The following ZFAT variants were observed in gnomAD, a reference collection of about 807,000 sequenced individuals.
The protein encoded by ZFAT is zinc finger and AT-hook domain containing.
Under a neutral mutation model 117.7 loss-of-function variants are expected in ZFAT, and 64 were observed. That is an observed-to-expected ratio of 0.54 (90% CI 0.44 to 0.67). ZFAT has a LOEUF of 0.67. Ranked by LOEUF, ZFAT falls within the 30% of genes least tolerant of loss-of-function variation. The pLI, the probability that ZFAT is intolerant of heterozygous loss-of-function variation, is 0.00. For synonymous variants in ZFAT, 679 were observed against 615.0 expected (o/e 1.10, Z -1.54); for missense variants, 1,433 against 1,584.5 (o/e 0.90, Z 1.62).
At chr8:134,795,994 G>C in the ZFAT span, 1 of 152,064 alleles carries the variant, frequency 6.6e-6, no homozygotes, top group Non-Finnish European at 1.5e-5. Flanking sequence ...AACTCAGAAG[G>C]ACAGGGTTCG....
At chr8:134,524,233 C>T (rs977008680) in intron 12 of ZFAT, among the ~76,000 whole-genome samples, 9 of 152,126 alleles carry the variant, frequency 5.9e-5, no homozygotes, top group South Asian at 2.1e-4. Context: ...GCCTTGGTGC[C>T]GGTCTATCTT....
At chr8:134,569,200 C>T (rs1034943832) in intron 10 of ZFAT, among the ~76,000 whole-genome samples, 3 of 152,078 alleles carry the variant, frequency 2.0e-5, no homozygotes, top group African/African-American at 7.2e-5. Context: ...GCAGTGTCAC[C>T]CTTTCATGGA....
At chr8:134,600,809 T>C in intron 6 of ZFAT, 141 bp from the exon 7 acceptor site, 8 of 693,130 alleles carry the variant, frequency 1.2e-5, no homozygotes, top group South Asian at 4.8e-5. Context: ...TTTCACCACA[T>C]TTCTGTCTGA....
chr8:134,608,711 C>A lies in ZFAT; in HGVS notation c.785+18G>T. The A allele has an allele frequency of 6.2e-7, 1 of 1,604,006 alleles. No homozygotes were observed. The highest frequency in any genetic ancestry group is 8.5e-7 in the Non-Finnish European group (1 of 1,176,292). On this transcript the variant is annotated intron_variant, in intron 5 of 15. Coordinates refer to ENST00000377838, the MANE Select transcript of ZFAT (RefSeq NM_020863.4). ...CATGCAACCTCTGGCTGAAGTTACA[C>A]AGAACAAAACACTTTACCTGCTTGA...
At chr8:134,535,730 C>T (rs543975269) in intron 11 of ZFAT, among the ~76,000 whole-genome samples, 7 of 152,010 alleles carry the variant, frequency 4.6e-5, no homozygotes, top group Admixed American at 2.6e-4. Context: ...ATTTGTCGGG[C>T]TTTCTCATCT....
chr8:134,715,639 C>G (rs1057388601), upstream of ZFAT, among the ~76,000 whole-genome samples: 1 of 152,126 alleles, frequency 6.6e-6, no homozygotes, highest in African/African-American at 2.4e-5. Flanking sequence ...GTAAATCACT[C>G]GAAAGTATAT....
intron 1 of ZFAT, among the ~76,000 whole-genome samples, chr8:134,689,559 G>A (rs1371804697): frequency 2.0e-5 from 3 of 152,198 alleles, no homozygotes; most frequent in Non-Finnish European, 4.4e-5. Flanking sequence ...CAACAAAGAT[G>A]TGATTCGCAT....
the ZFAT span, chr8:134,723,267 C>T: frequency 6.6e-6 from 1 of 152,268 alleles, no homozygotes; most frequent in African/African-American, 2.4e-5. Flanking sequence ...CTGGGACCTC[C>T]CTCTTATCAC....
chr8:134,593,890 C>T (rs1329200611), intron 7 of ZFAT, among the ~76,000 whole-genome samples: 1 of 152,188 alleles, frequency 6.6e-6, no homozygotes, highest in Admixed American at 6.5e-5. Flanking sequence ...CTCAGGCGCT[C>T]GAATGCTCAT....
intron 1 of ZFAT, among the ~76,000 whole-genome samples, chr8:134,678,589 A>G (rs924946012): frequency 6.6e-5 from 10 of 152,208 alleles, no homozygotes; most frequent in Admixed American, 3.9e-4. Flanking sequence ...ACTACTTTAA[A>G]TTTCATATGG....
At chr8:134,671,289 A>G (rs1832549842) in intron 1 of ZFAT, among the ~76,000 whole-genome samples, 1 of 152,192 alleles carries the variant, frequency 6.6e-6, no homozygotes, top group Non-Finnish European at 1.5e-5. Flanking sequence ...AGCCTGGCAG[A>G]GACACAACAA....
chr8:134,604,897 T>C (rs1827768638), intron 5 of ZFAT, among the ~76,000 whole-genome samples: 1 of 152,234 alleles, frequency 6.6e-6, no homozygotes, highest in Non-Finnish European at 1.5e-5. Flanking sequence ...ATACATATTA[T>C]TGGCACAAAG....
At chr8:134,750,615 G>T in the ZFAT span, among the ~76,000 whole-genome samples, 1 of 152,094 alleles carries the variant, frequency 6.6e-6, no homozygotes, top group Non-Finnish European at 1.5e-5. Context: ...TTTGAAATAT[G>T]TAAAGCTGGG....
In ZFAT at chr8:134,688,980, T is replaced by G. The variant is rs140327323; in HGVS notation, c.19+23865A>C. On this transcript the variant is annotated intron_variant, in intron 1 of 15. Transcript: ENST00000377838. ...AGCACAGTGCCTGGCACACAGCAGA[T>G]GAAGGTGCTGCCTGCCCTTTTCCCT... is the stretch of plus-strand genomic sequence containing the variant. Among the ~76,000 whole-genome samples the G allele has an allele frequency of 2.6e-3, 398 of 152,216 alleles. 3 individuals carry two copies. The highest frequency in any genetic ancestry group is 9.0e-3 in the African/African-American group (375 of 41,530).
chr8:134,733,610 G>T, the ZFAT span, among the ~76,000 whole-genome samples: 5 of 152,212 alleles, frequency 3.3e-5, no homozygotes, highest in African/African-American at 1.2e-4. Context: ...TCCTTTAACA[G>T]ATAGGGAAAC....
chr8:134,557,436 T>C lies in ZFAT; in HGVS notation c.2976+7897A>G, dbSNP rs1222983478. Among the ~76,000 whole-genome samples the C allele has an allele frequency of 2.0e-5, 3 of 152,112 alleles. No individual in the cohort carries two copies. In the East Asian group the frequency reaches 5.8e-4, roughly 29 times the overall value. On this transcript the variant is annotated intron_variant, in intron 11 of 15. Coordinates refer to ENST00000377838, the MANE Select transcript of ZFAT (RefSeq NM_020863.4). ...TGCCATTAGGTACAAACTAAGAAAA[T>C]CTGAATAAAATATGGACTTTAGCTA... is the stretch of plus-strand genomic sequence containing the variant.
the ZFAT span, among the ~76,000 whole-genome samples, chr8:134,736,830 C>A: frequency 2.0e-5 from 3 of 152,128 alleles, no homozygotes; most frequent in African/African-American, 4.8e-5. Flanking sequence ...AACCAATTCT[C>A]CCACGTCAGC....
At chr8:134,527,963 CA>C (rs2130527051) in intron 12 of ZFAT, among the ~76,000 whole-genome samples, 1 of 152,248 alleles carries the variant, frequency 6.6e-6, no homozygotes, top group South Asian at 2.1e-4. Flanking sequence ...GTCAGATTAG[CA>C]ATTAGCCTCG....
chr8:134,625,669 G>C (rs932870767), intron 3 of ZFAT, among the ~76,000 whole-genome samples: 1 of 152,138 alleles, frequency 6.6e-6, no homozygotes, highest in African/African-American at 2.4e-5. Flanking sequence ...TTCAGGAAGT[G>C]GGAGAAAAAA....
Sources: gnomAD v4.1 joint callset for allele counts (sites outside exome capture counted in the v4.1 genomes callset) on GRCh38, gnomAD v4.1.1 for gene constraint, MANE v1.5 for transcripts, NCBI Gene and HGNC (gene_info 2026-07-23, HGNC 2026-07-21) for gene names.